Variants in SIAH1 observed in about 807,000 individuals in gnomAD.
SIAH1 encodes the protein E3 ubiquitin-protein ligase SIAH1.
Under a neutral mutation model 20.0 loss-of-function variants are expected in SIAH1, and 2 were observed. That is an observed-to-expected ratio of 0.10 (90% CI 0.04 to 0.31). SIAH1 has a LOEUF of 0.31. Among genes scored for constraint, SIAH1 ranks in the 10% least tolerant of loss-of-function variants. The probability of loss-of-function intolerance (pLI) is 1.00; values close to 1 mark genes in which losing one functional copy is unlikely to be tolerated. For synonymous variants in SIAH1, 118 were observed against 125.3 expected (o/e 0.94, Z 0.39); for missense variants, 119 against 355.3 (o/e 0.33, Z 5.35).
chr16:48,365,098 A>G (rs994435657), intron 1 of SIAH1: 7 of 348,682 alleles, frequency 2.0e-5, no homozygotes, highest in African/African-American at 1.4e-4. Context: ...CAACTGCTAA[A>G]GCCTCTCAAA....
rs79073186 is a variant in SIAH1, at chr16:48,370,805, C to CAA, written c.-2-8377_-2-8376dup. 1.9e-3 allele frequency among the ~76,000 whole-genome samples: 243 copies of CAA among 125,306 alleles called. 1 individual carries two copies. Among genetic ancestry groups the CAA allele is most frequent in the Middle Eastern group, 4.3e-3 (1 of 232 alleles). The allele number at this position is 125,306 out of a possible 152,430, so 82.2% of individuals were successfully genotyped here. A position where few individuals can be genotyped will look rare whatever the true frequency, so the allele number is the denominator to read the frequency against. ...TGGGCGACAGAGCAAGACTCCATCT[C>CAA]AAAAAAAAAAAAAACAAATTTCAAG... is the stretch of plus-strand genomic sequence containing the variant. On this transcript the variant is annotated intron_variant, in intron 1 of 1. Transcript: ENST00000394725.
intron 1 of SIAH1, among the ~76,000 whole-genome samples, chr16:48,379,704 A>G (rs1173007118): frequency 6.6e-6 from 1 of 152,222 alleles, no homozygotes. Context: ...TCAGGAGGAT[A>G]TGTTACAGTG....
intron 1 of SIAH1, chr16:48,365,981 T>G (rs577241041): frequency 1.9e-6 from 2 of 1,038,866 alleles, no homozygotes; most frequent in Non-Finnish European, 1.2e-6. Context: ...CCAGGGCCAG[T>G]TCAGGGCGCG....
intron 1 of SIAH1, chr16:48,366,023 G>C: frequency 1.7e-6 from 1 of 589,730 alleles, no homozygotes; most frequent in Non-Finnish European, 2.2e-6. Context: ...TCTTGCTCGC[G>C]CAAGGGTGGG....
intron 1 of SIAH1, among the ~76,000 whole-genome samples, chr16:48,368,665 G>A (rs1247497574): frequency 6.6e-6 from 1 of 152,052 alleles, no homozygotes; most frequent in Non-Finnish European, 1.5e-5. Flanking sequence ...CTTGAACCCA[G>A]GAGGCGGAGG....
At chr16:48,365,604 C>A in intron 1 of SIAH1, 1 of 1,461,616 alleles carries the variant, frequency 6.8e-7, no homozygotes, top group Non-Finnish European at 9.0e-7. Context: ...ATACCATTTA[C>A]TTCTCAGAAG....
intron 1 of SIAH1, among the ~76,000 whole-genome samples, chr16:48,383,758 C>CT (rs1356239737): frequency 2.0e-5 from 3 of 152,168 alleles, no homozygotes; most frequent in African/African-American, 7.2e-5. Flanking sequence ...TCTCCTTGTC[C>CT]TTTTTAACAA....
intron 1 of SIAH1, chr16:48,365,743 T>TA (rs1960810614): frequency 7.3e-7 from 1 of 1,375,058 alleles, no homozygotes; most frequent in South Asian, 1.9e-5. Flanking sequence ...CAATGTGCCC[T>TA]AAGCTTTCGT....
At chr16:48,373,839 T>C (rs1459952546) in intron 1 of SIAH1, among the ~76,000 whole-genome samples, 1 of 152,244 alleles carries the variant, frequency 6.6e-6, no homozygotes, top group African/African-American at 2.4e-5. Context: ...TTCCCATTAC[T>C]CTCTGACTTC....
intron 1 of SIAH1, chr16:48,365,436 C>T: frequency 6.2e-7 from 1 of 1,613,944 alleles, no homozygotes; most frequent in Non-Finnish European, 8.5e-7. Flanking sequence ...ACAAGACTCC[C>T]CTCCAGGAGT....
intron 1 of SIAH1, among the ~76,000 whole-genome samples, chr16:48,379,213 A>G (rs1377324386): frequency 6.6e-6 from 1 of 151,656 alleles, no homozygotes; most frequent in Non-Finnish European, 1.5e-5. Context: ...AATTATACTG[A>G]CACTCTAGCA....
At chr16:48,365,061 C>T (rs1331664174) in intron 1 of SIAH1, 1 of 245,662 alleles carries the variant, frequency 4.1e-6, no homozygotes, top group Non-Finnish European at 7.9e-6. Context: ...AACGGTATTT[C>T]TTGGGAACGG....
intron 1 of SIAH1, chr16:48,365,985 GGGCGCGC>G: frequency 9.9e-7 from 1 of 1,014,048 alleles, no homozygotes; most frequent in East Asian, 4.5e-5. Context: ...GGCCAGTTCA[GGGCGCGC>G]GGCGCACAGG....
rs1372223335 is a variant in SIAH1 at position 48,381,762 on chromosome 16, T to C, written c.-3+3442A>G. On this transcript the variant is annotated intron_variant, in intron 1 of 1. Transcript: ENST00000394725. ...AAGTGGTTGGGGGTGTGGGGACAAATAGGTGGAAGTCAGAGGATTTCTAGG... is the reference window on the plus strand; with the variant it reads ...AAGTGGTTGGGGGTGTGGGGACAAACAGGTGGAAGTCAGAGGATTTCTAGG... Among the ~76,000 whole-genome samples, 3 of 152,082 alleles carry C rather than the reference T, an allele frequency of 2.0e-5. No homozygotes were observed. In the South Asian group the frequency reaches 6.2e-4, roughly 32 times the overall value.
At chr16:48,381,961 G>A (rs1961305853) in intron 1 of SIAH1, among the ~76,000 whole-genome samples, 1 of 152,116 alleles carries the variant, frequency 6.6e-6, no homozygotes, top group Non-Finnish European at 1.5e-5. Flanking sequence ...AGGGGCAGGG[G>A]CTACACGCGA....
At position 48,361,834 on chromosome 16, in the gene SIAH1, A is replaced by G; in HGVS notation, c.595T>C (p.Tyr199His). 1 of 1,614,162 alleles carries G rather than the reference A, an allele frequency of 6.2e-7. No homozygotes were observed. Among genetic ancestry groups the G allele is most frequent in the Non-Finnish European group, 8.5e-7 (1 of 1,180,040 alleles). Residue 199 changes from tyrosine (Y) to histidine (H), a missense_variant, in exon 2 of 2, where the codon TAC becomes CAC. Physicochemically the swap from Tyr to His is moderately conservative, Grantham distance 83. Around this residue, in one of 2 missense-constraint regions of SIAH1, gnomAD observed 84 missense variants for 307.8 expected, o/e 0.27. Transcript: ENST00000394725. Reference protein sequence around the residue: ...FMLVLEKQEKYDGHQQFFAIV... With the variant: ...FMLVLEKQEKHDGHQQFFAIV... ...GCGAAGAACTGCTGGTGACCATCGT[A>G]TTTTTCCTGTTTCTCTAAGACTAAC...
chr16:48,385,159 G>C (rs1457467402), intron 1 of SIAH1, 45 bp downstream of exon 1: 1 of 225,666 alleles, frequency 4.4e-6, no homozygotes. Flanking sequence ...GCCTGTCGGA[G>C]AGCCCCTCGC....
At chr16:48,365,673 C>A in intron 1 of SIAH1, 1 of 1,427,746 alleles carries the variant, frequency 7.0e-7, no homozygotes, top group Non-Finnish European at 9.1e-7. Context: ...AACCACACCT[C>A]CCTGTGAGCT....
chr16:48,365,386 C>T (rs1210545126), intron 1 of SIAH1: 1 of 1,613,928 alleles, frequency 6.2e-7, no homozygotes, highest in East Asian at 2.2e-5. Flanking sequence ...AATGTCAATA[C>T]CTTTTCTCTT....
Sources: allele counts gnomAD v4.1 joint callset (sites outside exome capture counted in the v4.1 genomes callset), GRCh38; gene constraint gnomAD v4.1.1; regional missense constraint gnomAD v4.1.1; transcripts MANE v1.5; gene names NCBI Gene and HGNC (gene_info 2026-07-23, HGNC 2026-07-21).